Variants in HIVEP1 observed in about 807,000 individuals in gnomAD.
The protein encoded by HIVEP1 is zinc finger protein 40.
A neutral mutation model predicts 180.0 loss-of-function variants in HIVEP1; 36 were observed. The ratio of observed to expected loss-of-function variants is 0.20; its 90% confidence interval spans 0.15 to 0.26. The LOEUF (loss-of-function observed/expected upper bound fraction) is 0.26. Among genes scored for constraint, HIVEP1 ranks in the 10% least tolerant of loss-of-function variants. The probability of loss-of-function intolerance (pLI) is 1.00; values close to 1 mark genes in which losing one functional copy is unlikely to be tolerated. For missense variants in HIVEP1, 3,143 were observed against 3,268.7 expected (o/e 0.96, Z 0.94); for synonymous variants, 1,239 against 1,239.0 (o/e 1.00, Z 0.00).
the HIVEP1 span, among the ~76,000 whole-genome samples, chr6:12,203,242 C>T: frequency 6.6e-6 from 1 of 152,334 alleles, no homozygotes; most frequent in Non-Finnish European, 1.5e-5. Context: ...TTTACACTCC[C>T]TGTCCCAGAA....
chr6:12,184,017 A>C, the HIVEP1 span, among the ~76,000 whole-genome samples: 2 of 146,146 alleles, frequency 1.4e-5, no homozygotes, highest in Non-Finnish European at 1.5e-5. Context: ...AGATAGATAG[A>C]TAGATAGACA....
chr6:12,072,037 AGATTTT>A (rs1772005103), intron 2 of HIVEP1, among the ~76,000 whole-genome samples: 1 of 151,618 alleles, frequency 6.6e-6, no homozygotes, highest in South Asian at 2.1e-4. Context: ...TAAATATTAC[AGATTTT>A]GTGGACCTCA....
chr6:12,136,640 G>A (rs529474709), intron 7 of HIVEP1, among the ~76,000 whole-genome samples: 201 of 152,318 alleles, frequency 1.3e-3, no homozygotes, highest in Non-Finnish European at 1.9e-3. Flanking sequence ...AGCACTTAGC[G>A]CAGTGCCTTG....
At chr6:12,108,918 G>A (rs1292727109) in intron 3 of HIVEP1, among the ~76,000 whole-genome samples, 1 of 152,210 alleles carries the variant, frequency 6.6e-6, no homozygotes, top group Non-Finnish European at 1.5e-5. Flanking sequence ...GAGGGAGCGA[G>A]GGCTCTCAGG....
chr6:12,070,256 TTATG>T (rs1243256283), intron 2 of HIVEP1, among the ~76,000 whole-genome samples: 2 of 152,228 alleles, frequency 1.3e-5, no homozygotes, highest in Admixed American at 1.3e-4. Flanking sequence ...TTATCAAGCA[TTATG>T]TATTGTACAT....
chr6:12,113,665 C>T (rs1193792965), intron 3 of HIVEP1, among the ~76,000 whole-genome samples: 1 of 152,106 alleles, frequency 6.6e-6, no homozygotes, highest in East Asian at 1.9e-4. Flanking sequence ...TGTAGAATAC[C>T]TTTTCCATCC....
At chr6:12,181,365 A>C in the HIVEP1 span, among the ~76,000 whole-genome samples, 2 of 151,758 alleles carry the variant, frequency 1.3e-5, no homozygotes, top group East Asian at 1.9e-4. Context: ...GTCTCAAAAA[A>C]TAAAAAATAA....
chr6:12,098,656 A>G (rs1773913352), intron 3 of HIVEP1, among the ~76,000 whole-genome samples: 2 of 152,228 alleles, frequency 1.3e-5, no homozygotes, highest in Non-Finnish European at 2.9e-5. Context: ...AAGAGAGCAG[A>G]CATGTTGCAT....
chr6:12,178,778 G>T, the HIVEP1 span, among the ~76,000 whole-genome samples: 2 of 152,114 alleles, frequency 1.3e-5, no homozygotes, highest in African/African-American at 2.4e-5. Context: ...CTTGCCAAGG[G>T]GACATGAACG....
chr6:12,166,278 A>G (rs560742125), downstream of HIVEP1, among the ~76,000 whole-genome samples: 1 of 152,312 alleles, frequency 6.6e-6, no homozygotes, highest in African/African-American at 2.4e-5. Flanking sequence ...TCTAAATTCA[A>G]AAATAATGCT....
rs761928127 is a variant in HIVEP1, at chr6:12,161,921, A to G, written c.6970A>G (p.Ile2324Val). 2 of 1,604,778 alleles carry G rather than the reference A, an allele frequency of 1.2e-6. No individual in the cohort carries two copies. Among genetic ancestry groups the G allele is most frequent in the Non-Finnish European group, 1.7e-6 (2 of 1,173,878 alleles). The stretch of plus-strand genomic sequence containing the variant: ...TTCTATGGCAGGAAAAGCTGTTGCT[A>G]TAACACAGGTAAATGATTGGCAGTT... Reference protein sequence around the residue: ...RSSMAGKAVAITQSPSSVRLP... With the variant: ...RSSMAGKAVAVTQSPSSVRLP... Residue 2324 changes from isoleucine to valine, a missense_variant, in exon 8 of 9, where the codon ATA becomes GTA. This residue lies in a region of HIVEP1 where 595 missense variants were observed against 602.2 expected (regional missense o/e 0.99). Transcript: ENST00000379388.
At chr6:12,055,207 GC>G (rs1770781282) in intron 2 of HIVEP1, among the ~76,000 whole-genome samples, 1 of 152,188 alleles carries the variant, frequency 6.6e-6, no homozygotes, top group Admixed American at 6.5e-5. Flanking sequence ...ATTTTCAGTG[GC>G]TCACGCCTGT....
Position 12,129,538 on chromosome 6 carries a change from G to A in HIVEP1, c.6076-221G>A, listed in dbSNP as rs747236907. Reference sequence around the variant, plus strand: ...TTATTTGGGGGTGTCAGTGAACTGTGGTGGAATTTTAAATTAACATAAGAT... The same window carrying A: ...TTATTTGGGGGTGTCAGTGAACTGTAGTGGAATTTTAAATTAACATAAGAT... On this transcript the variant is annotated intron_variant, in intron 4 of 8. Transcript: ENST00000379388. 51 of 632,626 alleles carry A rather than the reference G, an allele frequency of 8.1e-5. 1 individual carries two copies. Among genetic ancestry groups the A allele is most frequent in the Non-Finnish European group, 1.3e-4 (44 of 338,112 alleles). 39.2% of individuals were successfully genotyped at this position (632,626 alleles called of 1,614,324 possible).
the HIVEP1 span, among the ~76,000 whole-genome samples, chr6:12,211,747 A>T: frequency 6.6e-6 from 1 of 152,134 alleles, no homozygotes; most frequent in Non-Finnish European, 1.5e-5. Context: ...GTCCATGGTG[A>T]ACATCATTCT....
At chr6:12,017,487 G>A (rs1182014134) in intron 2 of HIVEP1, among the ~76,000 whole-genome samples, 3 of 152,362 alleles carry the variant, frequency 2.0e-5, no homozygotes, top group South Asian at 2.1e-4. Flanking sequence ...TTATTGCAAA[G>A]AGCACAACAA....
chr6:12,145,764 A>G (rs1346859025), intron 7 of HIVEP1, among the ~76,000 whole-genome samples: 3 of 152,178 alleles, frequency 2.0e-5, no homozygotes, highest in Non-Finnish European at 4.4e-5. Context: ...CGTGTTTATT[A>G]TCTATTTCTT....
chr6:12,095,217 A>G (rs534361991), intron 3 of HIVEP1, among the ~76,000 whole-genome samples: 1 of 151,758 alleles, frequency 6.6e-6, no homozygotes, highest in East Asian at 1.9e-4. Context: ...GATTTTCATG[A>G]TACTTTCTTG....
chr6:12,172,103 C>G, the HIVEP1 span, among the ~76,000 whole-genome samples: 1 of 152,162 alleles, frequency 6.6e-6, no homozygotes, highest in African/African-American at 2.4e-5. Flanking sequence ...GGACATTTCT[C>G]TAAGTCAGGA....
chr6:12,131,924 T>G (rs1179012467), intron 6 of HIVEP1, among the ~76,000 whole-genome samples: 1 of 152,106 alleles, frequency 6.6e-6, no homozygotes, highest in Non-Finnish European at 1.5e-5. Flanking sequence ...TTAGCAAAAT[T>G]TATTACATTT....
Sources: gnomAD v4.1 joint callset for allele counts (sites outside exome capture counted in the v4.1 genomes callset) on GRCh38, gnomAD v4.1.1 for gene constraint, gnomAD v4.1.1 regional missense constraint, MANE v1.5 for transcripts, NCBI Gene and HGNC (gene_info 2026-07-23, HGNC 2026-07-21) for gene names.